The following NUP93 variants were observed in gnomAD, a reference collection of about 807,000 sequenced individuals.
The protein encoded by NUP93 is nucleoporin 93.
A neutral mutation model predicts 107.8 loss-of-function variants in NUP93; 55 were observed. The observed-to-expected ratio is 0.51, with a 90% CI of 0.41 to 0.64. The LOEUF (loss-of-function observed/expected upper bound fraction) is 0.64. NUP93 is among the 30% of genes least tolerant of loss of function. NUP93 has a pLI of 0.00. For missense variants in NUP93, 937 were observed against 1,044.7 expected, an observed-to-expected ratio of 0.90 and a Z score of 1.42; for synonymous variants, 390 against 397.5, an observed-to-expected ratio of 0.98 and a Z score of 0.22.
intron 3 of NUP93, among the ~76,000 whole-genome samples, chr16:56,779,230 C>G (rs1166586911): frequency 6.6e-6 from 1 of 152,216 alleles, no homozygotes; most frequent in Non-Finnish European, 1.5e-5. Flanking sequence ...TAGAGCCCTA[C>G]AGTTGTTCAC....
intron 3 of NUP93, among the ~76,000 whole-genome samples, chr16:56,766,083 A>C (rs1339258974): frequency 6.6e-6 from 1 of 152,132 alleles, no homozygotes; most frequent in South Asian, 2.1e-4. Context: ...ATTCACACTT[A>C]CTCCTGAATG....
intron 3 of NUP93, chr16:56,783,416 C>T: frequency 1.1e-6 from 1 of 944,904 alleles, no homozygotes. Context: ...CTGGATTTAC[C>T]CATGACTAAG....
intron 4 of NUP93, 176 bp from the exon 5 acceptor site, chr16:56,805,328 G>A (rs1423512508): frequency 1.5e-6 from 1 of 667,902 alleles, no homozygotes; most frequent in South Asian, 2.2e-5. Flanking sequence ...GATTACAGGT[G>A]TAAACCACCA....
chr16:56,822,315 C>A (rs1963561944), intron 7 of NUP93, among the ~76,000 whole-genome samples: 1 of 151,522 alleles, frequency 6.6e-6, no homozygotes, highest in Admixed American at 6.6e-5. Context: ...AGTTCAAGAC[C>A]AGCTTGGGCA....
At chr16:56,798,915 G>A (rs1164597233) in intron 4 of NUP93, among the ~76,000 whole-genome samples, 1 of 151,574 alleles carries the variant, frequency 6.6e-6, no homozygotes, top group African/African-American at 2.4e-5. Context: ...GTATATACTA[G>A]GGGAGTGTGG....
intron 21 of NUP93, among the ~76,000 whole-genome samples, chr16:56,843,656 A>T (rs1964068845): frequency 6.6e-6 from 1 of 152,228 alleles, no homozygotes; most frequent in Admixed American, 6.5e-5. Context: ...TACAGTGGAT[A>T]TTCACATCAC....
intron 21 of NUP93, chr16:56,842,492 A>C (rs1264363094): frequency 7.3e-6 from 3 of 413,656 alleles, no homozygotes; most frequent in Non-Finnish European, 1.4e-5. Context: ...TGATTACAAA[A>C]AAAAAGAGCA....
chr16:56,783,924 G>A (rs758844319), intron 3 of NUP93: 59 of 974,746 alleles, frequency 6.1e-5, no homozygotes, highest in Non-Finnish European at 7.2e-5. Flanking sequence ...ATTTGCTTTT[G>A]GTTGAATATG....
intron 1 of NUP93, among the ~76,000 whole-genome samples, chr16:56,731,744 C>T (rs543490337): frequency 6.6e-6 from 1 of 152,144 alleles, no homozygotes; most frequent in Non-Finnish European, 1.5e-5. Flanking sequence ...ATACTTGCCA[C>T]CCTGGGCCAG....
intron 1 of NUP93, among the ~76,000 whole-genome samples, chr16:56,733,865 C>T (rs1326139152): frequency 2.0e-5 from 3 of 152,174 alleles, no homozygotes; most frequent in Non-Finnish European, 4.4e-5. Context: ...CAACTGTGTC[C>T]TCAAACAGCT....
At chr16:56,730,473 C>T (rs1961514742) in intron 1 of NUP93, among the ~76,000 whole-genome samples, 1 of 152,122 alleles carries the variant, frequency 6.6e-6, no homozygotes, top group Non-Finnish European at 1.5e-5. Flanking sequence ...CCCGACTCCC[C>T]CTTCCCCACT....
intron 5 of NUP93, among the ~76,000 whole-genome samples, chr16:56,812,492 C>T (rs190600882): frequency 2.0e-5 from 3 of 152,010 alleles, no homozygotes; most frequent in African/African-American, 7.3e-5. Flanking sequence ...TACAGGCGCC[C>T]GCAACCACGC....
At chr16:56,763,499 G>GGTGGGTGTGTGTGTGTAAGT in intron 3 of NUP93, among the ~76,000 whole-genome samples, 2 of 149,036 alleles carry the variant, frequency 1.3e-5, no homozygotes, top group African/African-American at 4.9e-5. Context: ...TGTGTGTGTG[G>GGTGGGTGTGTGTGTGTAAGT]GTGGGTGTGT....
rs564759325 is a variant in NUP93 at position 56,747,650 on chromosome 16, G to A, written c.-14-584G>A. Among the ~76,000 whole-genome samples the A allele has an allele frequency of 3.9e-5, 6 of 152,266 alleles. No homozygotes were observed. The East Asian group carries it at 7.7e-4, about 20-fold the overall frequency. On this transcript the variant is annotated intron_variant, in intron 1 of 21. Coordinates refer to ENST00000308159, the MANE Select transcript of NUP93 (RefSeq NM_014669.5). Reference sequence around the variant, plus strand: ...AGGGAGAGTTAGTGGTGGTTAGTCCGAAGAATGCCTTTGTTTTCCTGGTCT... The same window carrying A: ...AGGGAGAGTTAGTGGTGGTTAGTCCAAAGAATGCCTTTGTTTTCCTGGTCT...
chr16:56,826,803 T>C (rs1435440519), intron 8 of NUP93, among the ~76,000 whole-genome samples: 1 of 151,912 alleles, frequency 6.6e-6, no homozygotes, highest in East Asian at 1.9e-4. Flanking sequence ...ATCCCAGCAC[T>C]TTGAGAGGCC....
chr16:56,824,162 T>C (rs1963609408), intron 8 of NUP93, among the ~76,000 whole-genome samples: 1 of 152,232 alleles, frequency 6.6e-6, no homozygotes, highest in South Asian at 2.1e-4. Flanking sequence ...AATCTTTTTC[T>C]AATGTGGTTC....
intron 1 of NUP93, among the ~76,000 whole-genome samples, chr16:56,746,324 C>T (rs1476139123): frequency 3.3e-5 from 5 of 152,176 alleles, no homozygotes; most frequent in East Asian, 1.9e-4. Flanking sequence ...AAATGCCCCT[C>T]TTCTCAAAAT....
intron 3 of NUP93, among the ~76,000 whole-genome samples, chr16:56,773,460 C>G (rs1424714778): frequency 6.6e-6 from 1 of 152,218 alleles, no homozygotes; most frequent in Non-Finnish European, 1.5e-5. Context: ...GATCTCATCT[C>G]TGTCTTTGTA....
At chr16:56,823,217 G>GGTGGCCCCT (rs1274595092) in intron 7 of NUP93, among the ~76,000 whole-genome samples, 1 of 152,146 alleles carries the variant, frequency 6.6e-6, no homozygotes, top group Non-Finnish European at 1.5e-5. Context: ...ACGTAAGAGC[G>GGTGGCCCCT]GTGGCCCCTG....
Sources: allele counts gnomAD v4.1 joint callset (sites outside exome capture counted in the v4.1 genomes callset), GRCh38; gene constraint gnomAD v4.1.1; transcripts MANE v1.5; gene names NCBI Gene and HGNC (gene_info 2026-07-23, HGNC 2026-07-21).